LSAMP: variants seen among roughly 807,000 people sequenced by gnomAD.
The protein encoded by LSAMP is limbic system associated membrane protein.
In LSAMP, 7 loss-of-function variants were observed where a neutral mutation model predicts 38.6. That is an observed-to-expected ratio of 0.18 (90% CI 0.10 to 0.34). The LOEUF (loss-of-function observed/expected upper bound fraction) is 0.34, where lower values mean the gene tolerates loss of function less well. LSAMP is among the 10% of genes least tolerant of loss of function. LSAMP has a pLI of 1.00. For synonymous variants in LSAMP, 154 were observed against 166.8 expected, an observed-to-expected ratio of 0.92 and a Z score of 0.59; for missense variants, 313 against 420.0, an observed-to-expected ratio of 0.75 and a Z score of 2.23.
chr3:115,896,398 T>C (rs1936729907), intron 3 of LSAMP, among the ~76,000 whole-genome samples: 1 of 151,962 alleles, frequency 6.6e-6, no homozygotes. Context: ...AGTTATAAGG[T>C]GGCCAACTCC....
chr3:116,404,931 C>T (rs2048882367), intron 1 of LSAMP, among the ~76,000 whole-genome samples: 1 of 151,992 alleles, frequency 6.6e-6, no homozygotes, highest in Admixed American at 6.6e-5. Context: ...TGTAATAATG[C>T]ACCTCAGGAC....
chr3:116,378,988 A>AACACACACAC (rs3028640), intron 1 of LSAMP, among the ~76,000 whole-genome samples: 91 of 137,130 alleles, frequency 6.6e-4, no homozygotes, highest in Middle Eastern at 3.7e-3. Context: ...AATTGCTCAG[A>AACACACACAC]ACACACACAC....
chr3:115,832,486 G>A (rs561967901), intron 6 of LSAMP, among the ~76,000 whole-genome samples: 2 of 152,146 alleles, frequency 1.3e-5, no homozygotes, highest in South Asian at 4.2e-4. Flanking sequence ...TAGATATTTG[G>A]GTACTTAACT....
chr3:115,802,635 A>G lies in LSAMP; in HGVS notation c.*7682T>C, dbSNP rs1469888377. On this transcript the variant is annotated 3_prime_UTR_variant, in exon 7 of 7. Transcript: ENST00000490035. ...AATGAAAAACCTTGAAAAACAAAAAATCCCAAACAAAAAATGGCCATGTGT... is the reference window on the plus strand; with the variant it reads ...AATGAAAAACCTTGAAAAACAAAAAGTCCCAAACAAAAAATGGCCATGTGT... The G allele has an allele frequency of 6.6e-6, 1 of 151,932 alleles. No individual in the cohort carries two copies. Among genetic ancestry groups the G allele is most frequent in the Non-Finnish European group, 1.5e-5 (1 of 68,012 alleles). The allele number at this position is 151,932 out of a possible 1,614,324, so 9.4% of individuals were successfully genotyped here. A position where few individuals can be genotyped will look rare whatever the true frequency, so the allele number is the denominator to read the frequency against.
chr3:115,838,827 A>G (rs1205601036), intron 6 of LSAMP, among the ~76,000 whole-genome samples: 3 of 152,236 alleles, frequency 2.0e-5, no homozygotes, highest in South Asian at 2.1e-4. Context: ...GCAAGTTTAC[A>G]CTGTGTGAAA....
chr3:116,266,415 A>G (rs1243342733), intron 1 of LSAMP, among the ~76,000 whole-genome samples: 1 of 152,222 alleles, frequency 6.6e-6, no homozygotes, highest in Non-Finnish European at 1.5e-5. Context: ...CAGAAAGGTC[A>G]AGTAACAGAA....
In LSAMP at chr3:115,806,797, C is replaced by G. The variant is rs1480870304; in HGVS notation, c.*3520G>C. 1.3e-5 allele frequency: 2 copies of G among 152,142 alleles called. No homozygotes were observed. Among genetic ancestry groups the G allele is most frequent in the Non-Finnish European group, 2.9e-5 (2 of 68,022 alleles). 9.4% of individuals were successfully genotyped at this position (152,142 alleles called of 1,614,324 possible). A position where few individuals can be genotyped will look rare whatever the true frequency, so the allele number is the denominator to read the frequency against. ...TTTAAGACATGGGGATTTCATGTCTCGAAACAAACAAGACTTTTTATCCAG... is the reference window on the plus strand; with the variant it reads ...TTTAAGACATGGGGATTTCATGTCTGGAAACAAACAAGACTTTTTATCCAG... On this transcript the variant is annotated 3_prime_UTR_variant, in exon 7 of 7. Transcript: ENST00000490035.
rs191906954 is a variant in LSAMP, at chr3:116,236,133, A to C, written c.156-149577T>G. On this transcript the variant is annotated intron_variant, in intron 1 of 6. Coordinates refer to ENST00000490035, the MANE Select transcript of LSAMP (RefSeq NM_002338.5). ...TGATTCATTGGTAACTAGGAAAAAA[A>C]CCCAACTTTGTAGTGAATCCATTTT... 7.7e-4 allele frequency among the ~76,000 whole-genome samples: 117 copies of C among 152,262 alleles called. 1 individual carries two copies. Among genetic ancestry groups the C allele is most frequent in the African/African-American group, 2.7e-3 (113 of 41,564 alleles).
chr3:116,375,197 A>G (rs9856796), intron 1 of LSAMP, among the ~76,000 whole-genome samples: 127,511 of 151,882 alleles, frequency 0.84, 53,817 homozygotes, highest in South Asian at 0.92. Context: ...AGAGAAGAAA[A>G]GGTGGCTATT....
chr3:115,910,297 T>C (rs1372324884), intron 3 of LSAMP, among the ~76,000 whole-genome samples: 2 of 152,224 alleles, frequency 1.3e-5, no homozygotes, highest in African/African-American at 2.4e-5. Context: ...ATTTGGAATA[T>C]AGTTTGAAAG....
intron 1 of LSAMP, among the ~76,000 whole-genome samples, chr3:116,109,988 CAG>C (rs376055251): frequency 0.064 from 9,203 of 143,648 alleles, 1,042 homozygotes; most frequent in African/African-American, 0.23. Context: ...GATTGGGGCA[CAG>C]AGATAAGAGG....
chr3:115,951,876 C>T (rs1559894221), intron 3 of LSAMP, among the ~76,000 whole-genome samples: 2 of 151,854 alleles, frequency 1.3e-5, no homozygotes, highest in Non-Finnish European at 2.9e-5. Context: ...TTAGTTGTGT[C>T]CTTCTAGAGA....
chr3:116,288,410 C>G (rs551124282), intron 1 of LSAMP, among the ~76,000 whole-genome samples: 1 of 152,288 alleles, frequency 6.6e-6, no homozygotes, highest in Non-Finnish European at 1.5e-5. Flanking sequence ...AGTGCCTGCT[C>G]CCCCATCATG....
At chr3:116,139,827 C>T (rs1366366843) in intron 1 of LSAMP, among the ~76,000 whole-genome samples, 1 of 151,960 alleles carries the variant, frequency 6.6e-6, no homozygotes, top group Non-Finnish European at 1.5e-5. Context: ...CTCTATGACT[C>T]ATTTCAGTAT....
chr3:115,824,857 C>T (rs1472029869), intron 6 of LSAMP, among the ~76,000 whole-genome samples: 6 of 151,944 alleles, frequency 3.9e-5, no homozygotes, highest in Non-Finnish European at 5.9e-5. Flanking sequence ...GCCTTTTGTA[C>T]TTTCATTTAT....
chr3:115,921,721 T>C (rs1292892348), intron 3 of LSAMP, among the ~76,000 whole-genome samples: 4 of 152,112 alleles, frequency 2.6e-5, no homozygotes, highest in South Asian at 4.1e-4. Flanking sequence ...GTTTTTAGCT[T>C]TCTTATAAGG....
chr3:116,178,982 G>A (rs1710419599), intron 1 of LSAMP, among the ~76,000 whole-genome samples: 1 of 151,494 alleles, frequency 6.6e-6, no homozygotes, highest in African/African-American at 2.4e-5. Context: ...TGAAGATATT[G>A]TATCCCACTG....
intron 3 of LSAMP, among the ~76,000 whole-genome samples, chr3:115,880,114 G>A (rs1211148907): frequency 6.6e-6 from 1 of 152,114 alleles, no homozygotes; most frequent in East Asian, 1.9e-4. Flanking sequence ...CATACACTGG[G>A]ATAGCAGAGT....
At chr3:116,062,471 G>C (rs1576340484) in intron 2 of LSAMP, among the ~76,000 whole-genome samples, 1 of 152,056 alleles carries the variant, frequency 6.6e-6, no homozygotes. Flanking sequence ...AGCCGGGATT[G>C]TGCCACTGCA....
Sources: gnomAD v4.1 joint callset for allele counts (sites outside exome capture counted in the v4.1 genomes callset) on GRCh38, gnomAD v4.1.1 for gene constraint, MANE v1.5 for transcripts, NCBI Gene and HGNC (gene_info 2026-07-23, HGNC 2026-07-21) for gene names.